Variants in ROCK2 observed in about 807,000 individuals in gnomAD.
ROCK2 encodes Rho associated coiled-coil containing protein kinase 2.
ROCK2 carries 61 observed loss-of-function variants against 195.1 expected under a neutral mutation model. That is an observed-to-expected ratio of 0.31 (90% CI 0.25 to 0.39). The LOEUF is 0.39. Among genes scored for constraint, ROCK2 ranks in the 10% least tolerant of loss-of-function variants. The pLI is 1.00. For synonymous variants in ROCK2, 504 were observed against 545.5 expected, an observed-to-expected ratio of 0.92 and a Z score of 1.06; for missense variants, 1,109 against 1,637.4, an observed-to-expected ratio of 0.68 and a Z score of 5.57.
chr2:11,287,957 G>A (rs1001140889), intron 1 of ROCK2, among the ~76,000 whole-genome samples: 6 of 151,978 alleles, frequency 3.9e-5, no homozygotes, highest in African/African-American at 1.4e-4. Context: ...GTGTTCTTTC[G>A]GCCAATGGAA....
At chr2:11,328,764 G>T (rs1057070700) in intron 1 of ROCK2, among the ~76,000 whole-genome samples, 1 of 152,102 alleles carries the variant, frequency 6.6e-6, no homozygotes, top group Non-Finnish European at 1.5e-5. Flanking sequence ...CATGTCCTTT[G>T]TACAGACATG....
intron 2 of ROCK2, among the ~76,000 whole-genome samples, chr2:11,287,082 T>G (rs1667223937): frequency 6.6e-6 from 1 of 152,188 alleles, no homozygotes; most frequent in African/African-American, 2.4e-5. Flanking sequence ...TAGATAAGAT[T>G]GTTTAATTGG....
At chr2:11,259,172 A>C (rs1666138074) in intron 3 of ROCK2, among the ~76,000 whole-genome samples, 1 of 151,416 alleles carries the variant, frequency 6.6e-6, no homozygotes, top group Non-Finnish European at 1.5e-5. Context: ...TAGGCTGAGA[A>C]TTACATTAAA....
At chr2:11,210,141 T>G (rs1664196926) in intron 18 of ROCK2, among the ~76,000 whole-genome samples, 1 of 152,204 alleles carries the variant, frequency 6.6e-6, no homozygotes, top group South Asian at 2.1e-4. Context: ...ATGGAAGTCA[T>G]CATGTATCTT....
In ROCK2 at chr2:11,248,708, C is replaced by CAAAAAAAA. The variant is rs70953372; in HGVS notation, c.462+945_462+952dup. Among the ~76,000 whole-genome samples, 359 of 45,426 alleles carry CAAAAAAAA rather than the reference C, an allele frequency of 7.9e-3. 5 individuals carry two copies. Among genetic ancestry groups the CAAAAAAAA allele is most frequent in the East Asian group, 0.01 (13 of 1,290 alleles). The allele number at this position is 45,426 out of a possible 152,430, so 29.8% of individuals were successfully genotyped here. A position where few individuals can be genotyped will look rare whatever the true frequency, so the allele number is the denominator to read the frequency against. On this transcript the variant is annotated intron_variant, in intron 4 of 32. Coordinates refer to ENST00000315872, the MANE Select transcript of ROCK2 (RefSeq NM_004850.5). ...TGAGCAACAGAGCAAGACTTCATCT[C>CAAAAAAAA]AAAAAAAAAAAAAAAAAAAAAAAAA...
At chr2:11,331,314 G>A (rs898545641) in intron 1 of ROCK2, among the ~76,000 whole-genome samples, 1 of 152,102 alleles carries the variant, frequency 6.6e-6, no homozygotes. Flanking sequence ...CTGTGAACAA[G>A]AACAGGCAAC....
At chr2:11,319,354 C>T (rs991035131) in intron 1 of ROCK2, among the ~76,000 whole-genome samples, 3 of 152,118 alleles carry the variant, frequency 2.0e-5, no homozygotes, top group Non-Finnish European at 4.4e-5. Flanking sequence ...GTATTTTATT[C>T]TCTTTGAAGC....
In ROCK2 at chr2:11,336,825, A is replaced by C. The variant is rs574323302; in HGVS notation, c.141+7171T>G. On this transcript the variant is annotated intron_variant, in intron 1 of 32. Transcript: ENST00000315872. Reference sequence around the variant, plus strand: ...AAATTTAGCTTAAAATGTATCCTAGACCTAAATGTAAAAGTCAACCATAAA... The same window carrying C: ...AAATTTAGCTTAAAATGTATCCTAGCCCTAAATGTAAAAGTCAACCATAAA... 1.2e-3 allele frequency among the ~76,000 whole-genome samples: 180 copies of C among 152,364 alleles called. 1 individual carries two copies. The highest frequency in any genetic ancestry group is 5.2e-4 in the Admixed American group (8 of 15,298).
intron 3 of ROCK2, among the ~76,000 whole-genome samples, chr2:11,267,883 G>A (rs1321203745): frequency 6.6e-6 from 1 of 151,742 alleles, no homozygotes; most frequent in East Asian, 1.9e-4. Context: ...CTGGCCTCAG[G>A]AGATCTGCCC....
At chr2:11,294,174 A>G (rs1202042912) in intron 1 of ROCK2, among the ~76,000 whole-genome samples, 1 of 152,172 alleles carries the variant, frequency 6.6e-6, no homozygotes, top group Non-Finnish European at 1.5e-5. Flanking sequence ...AAATTTAAAA[A>G]AAAGTAAGAC....
At chr2:11,288,043 A>G (rs2148195629) in intron 1 of ROCK2, among the ~76,000 whole-genome samples, 1 of 152,290 alleles carries the variant, frequency 6.6e-6, no homozygotes, top group African/African-American at 2.4e-5. Context: ...CAAATGGCCA[A>G]ATTTCATCAG....
chr2:11,183,399 C>A lies in ROCK2; in HGVS notation c.*38G>T. On this transcript the variant is annotated 3_prime_UTR_variant, in exon 33 of 33. Transcript: ENST00000315872. ...CAGTCTTGTTTTCACTGGAAGAATA[C>A]GATCACCTTGAATAATGACTGCTTT... The A allele has an allele frequency of 6.4e-7, 1 of 1,569,702 alleles. No individual in the cohort carries two copies. Among genetic ancestry groups the A allele is most frequent in the South Asian group, 1.2e-5 (1 of 85,586 alleles).
intron 1 of ROCK2, among the ~76,000 whole-genome samples, chr2:11,315,271 CAAGG>C (rs1320062494): frequency 6.6e-6 from 1 of 151,974 alleles, no homozygotes; most frequent in South Asian, 2.1e-4. Flanking sequence ...TGTCCAACAA[CAAGG>C]AATGGTTAAG....
At chr2:11,268,978 T>C (rs978489896) in intron 3 of ROCK2, among the ~76,000 whole-genome samples, 2 of 152,224 alleles carry the variant, frequency 1.3e-5, no homozygotes, top group Non-Finnish European at 2.9e-5. Flanking sequence ...TCAGACTCAG[T>C]AATCTTCATT....
intron 1 of ROCK2, among the ~76,000 whole-genome samples, chr2:11,313,862 C>CT (rs1238551942): frequency 6.6e-6 from 1 of 151,756 alleles, no homozygotes; most frequent in Non-Finnish European, 1.5e-5. Flanking sequence ...ATTTAAACAA[C>CT]TTTTAAAAGC....
intron 1 of ROCK2, among the ~76,000 whole-genome samples, chr2:11,295,966 A>AAGAGAGAGAGAGAGAGAGAGAGAG (rs11413362): frequency 3.9e-5 from 3 of 77,718 alleles, no homozygotes; most frequent in African/African-American, 8.8e-5. Flanking sequence ...CAAAAAACAA[A>AAGAGAGAGAGAGAGAGAGAGAGAG]AGAGAGAGAG....
At chr2:11,212,599 C>T (rs1366212965) in intron 17 of ROCK2, among the ~76,000 whole-genome samples, 1 of 152,010 alleles carries the variant, frequency 6.6e-6, no homozygotes, top group African/African-American at 2.4e-5. Context: ...AATACTCCTC[C>T]TATTTTCTAC....
At chr2:11,220,119 G>A (rs1056380142) in intron 9 of ROCK2, among the ~76,000 whole-genome samples, 5 of 152,180 alleles carry the variant, frequency 3.3e-5, no homozygotes, top group Admixed American at 6.5e-5. Flanking sequence ...CTGGGTTCAA[G>A]CGATTCTCCT....
At chr2:11,202,224 T>TG in intron 20 of ROCK2, 103 bp from the exon 21 acceptor site, 1 of 889,686 alleles carries the variant, frequency 1.1e-6, no homozygotes, top group Non-Finnish European at 1.9e-6. Context: ...TCTGAGGTTC[T>TG]TCCACAGAAC....
Sources: allele counts gnomAD v4.1 joint callset (sites outside exome capture counted in the v4.1 genomes callset), GRCh38; gene constraint gnomAD v4.1.1; transcripts MANE v1.5; gene names NCBI Gene and HGNC (gene_info 2026-07-23, HGNC 2026-07-21).